The following AXL variants were observed in gnomAD, a reference collection of about 807,000 sequenced individuals.
AXL encodes tyrosine-protein kinase receptor UFO.
In AXL, 52 loss-of-function variants were observed where a neutral mutation model predicts 104.5. The observed-to-expected ratio is 0.50, with a 90% CI of 0.40 to 0.63. The LOEUF (loss-of-function observed/expected upper bound fraction) is 0.63, where lower values mean the gene tolerates loss of function less well. Among genes scored for constraint, AXL ranks in the 20% least tolerant of loss-of-function variants. The pLI is 0.00. For missense variants in AXL, 1,024 were observed against 1,188.5 expected (o/e 0.86, Z 2.04); for synonymous variants, 455 against 473.7 (o/e 0.96, Z 0.51).
At chr19:41,239,009 A>G (rs948310740) in intron 8 of AXL, among the ~76,000 whole-genome samples, 155 bp from the exon 9 acceptor site, 1 of 151,962 alleles carries the variant, frequency 6.6e-6, no homozygotes, top group African/African-American at 2.4e-5. Context: ...AGGTTAAAGG[A>G]TGAGGATGAG....
chr19:41,238,320 G>A, intron 7 of AXL, 150 bp from the exon 8 acceptor site: 1 of 1,459,164 alleles, frequency 6.9e-7, no homozygotes, highest in Non-Finnish European at 9.4e-7. Flanking sequence ...CTCTCTCCCA[G>A]CCCTTCTCTC....
In AXL at chr19:41,238,464, C is replaced by T; in HGVS notation, c.995-6C>T. On this transcript the variant is annotated splice_region_variant and splice_polypyrimidine_tract_variant and intron_variant, in intron 7 of 19. Transcript: ENST00000301178. ...GTGCCAGCTTCCCCTCTTCCCTGTC[C>T]TCCAGTGCCCCTGGGCCCCCCTGAG... The T allele has an allele frequency of 1.2e-6, 2 of 1,607,652 alleles. No individual in the cohort carries two copies. Among genetic ancestry groups the T allele is most frequent in the African/African-American group, 2.7e-5 (2 of 74,938 alleles).
At chr19:41,243,881 C>T in intron 12 of AXL, 174 bp downstream of exon 12, 1 of 598,736 alleles carries the variant, frequency 1.7e-6, no homozygotes. Flanking sequence ...AAAGAACTTT[C>T]AAGGAATAGA....
chr19:41,223,912 A>C (rs754945963), intron 4 of AXL, among the ~76,000 whole-genome samples: 14 of 151,320 alleles, frequency 9.3e-5, no homozygotes, highest in Non-Finnish European at 1.3e-4. Context: ...CGTCAGCACA[A>C]CCTCTGTGTG....
Position 41,220,744 on chromosome 19 carries a change from C to T in AXL, c.194C>T (p.Pro65Leu), listed in dbSNP as rs755527465. 8 of 1,614,160 alleles carry T rather than the reference C, an allele frequency of 5.0e-6. No individual in the cohort carries two copies. The highest frequency in any genetic ancestry group is 6.8e-6 in the Non-Finnish European group (8 of 1,180,002). The stretch of plus-strand genomic sequence containing the variant: ...CAGCTCCAGGTTCAGGGAGAGCCCC[C>T]CGAGGTACATTGGCTTCGGGATGGA... ...RCQLQVQGEPPEVHWLRDGQI... is the reference protein window; with the variant it reads ...RCQLQVQGEPLEVHWLRDGQI... Residue 65 changes from proline to leucine, a missense_variant, in exon 2 of 20, where the codon CCC becomes CTC. Pro to Leu is a moderately conservative substitution (Grantham distance 98). Transcript: ENST00000301178.
chr19:41,240,388 A>G (rs1474066121), intron 10 of AXL, among the ~76,000 whole-genome samples: 1 of 151,400 alleles, frequency 6.6e-6, no homozygotes, highest in Non-Finnish European at 1.5e-5. Context: ...GGATGGATGG[A>G]TGGATGGATG....
Position 41,252,861 on chromosome 19 carries a change from G to A in AXL, c.1820G>A (p.Gly607Asp). ...GGGGGCTCAGGTGTCTGTTTCCAGG[G>A]TTCTGAACGAGAGAGCTTCCCAGCA... is the stretch of plus-strand genomic sequence containing the variant. ...VMRLIGVCFQ[G>D]SERESFPAPV... The change falls in exon 16 of 20, where the codon GGT (glycine) becomes GAT (aspartate). Residue 607 changes from glycine to aspartate, a missense_variant. This residue lies in a region of AXL where 523 missense variants were observed against 636.0 expected (regional missense o/e 0.82). Coordinates refer to ENST00000301178, the MANE Select transcript of AXL (RefSeq NM_021913.5). The A allele has an allele frequency of 6.2e-7, 1 of 1,614,028 alleles. No individual in the cohort carries two copies. The highest frequency in any genetic ancestry group is 8.5e-7 in the Non-Finnish European group (1 of 1,180,024).
At position 41,231,112 on chromosome 19, in the gene AXL, G is replaced by A. The variant is rs79266409; in HGVS notation, c.667+65G>A. On this transcript the variant is annotated intron_variant, in intron 5 of 19. Coordinates refer to ENST00000301178, the MANE Select transcript of AXL (RefSeq NM_021913.5). ...TGGGGTTTGGGTCCGGGGTCAGAGT[G>A]GGGGCAGAGAGCAGGGTAGGGAGCT... 7,472 of 1,610,968 alleles carry A rather than the reference G, an allele frequency of 4.6e-3. 294 individuals are homozygous for A. In the African/African-American group the frequency reaches 0.084, roughly 18 times the overall value.
At chr19:41,250,982 C>G (rs760296876) in intron 14 of AXL, among the ~76,000 whole-genome samples, 4 of 152,098 alleles carry the variant, frequency 2.6e-5, no homozygotes, top group Non-Finnish European at 5.9e-5. Flanking sequence ...GTTTGGGTCC[C>G]CAGGGCAGGT....
At chr19:41,240,567 GT>G in intron 10 of AXL, among the ~76,000 whole-genome samples, 1 of 152,156 alleles carries the variant, frequency 6.6e-6, no homozygotes. Flanking sequence ...TACACCCATT[GT>G]CCCCTCTGGG....
intron 19 of AXL, among the ~76,000 whole-genome samples, chr19:41,258,708 G>A (rs569084147): frequency 1.5e-4 from 23 of 152,318 alleles, no homozygotes; most frequent in African/African-American, 4.8e-4. Flanking sequence ...GAGCCTCCAC[G>A]CCCAGTCTGG....
rs2033743893 is a variant in AXL, at chr19:41,219,430, T to C, written c.38T>C (p.Leu13Pro). The change falls in exon 1 of 20, where the codon CTG becomes CCG. Residue 13 changes from leucine to proline, a missense_variant. By Grantham distance (98) the Leu-to-Pro change is moderately conservative (BLOSUM62 -3). This residue lies in a region of AXL where 124 missense variants were observed against 115.5 expected (regional missense o/e 1.07). Coordinates refer to ENST00000301178, the MANE Select transcript of AXL (RefSeq NM_021913.5). ...WRCPRMGRVP[L>P]AWCLALCGWA... ...TGCCCCAGGATGGGCAGGGTCCCGCTGGCCTGGTGCTTGGCGCTGTGCGGC... is the reference window on the plus strand; with the variant it reads ...TGCCCCAGGATGGGCAGGGTCCCGCCGGCCTGGTGCTTGGCGCTGTGCGGC... 1.2e-6 allele frequency: 2 copies of C among 1,605,894 alleles called. No homozygotes were observed. The highest frequency in any genetic ancestry group is 2.7e-5 in the African/African-American group (2 of 74,766).
In AXL at chr19:41,219,318, G is replaced by C. The variant is rs941902787; in HGVS notation, c.-75G>C. 2.1e-5 allele frequency: 29 copies of C among 1,389,076 alleles called. No homozygotes were observed. The highest frequency in any genetic ancestry group is 2.6e-5 in the Non-Finnish European group (27 of 1,025,494). The allele number at this position is 1,389,076 out of a possible 1,614,324, so 86.0% of individuals were successfully genotyped here. The stretch of plus-strand genomic sequence containing the variant: ...AATCCGGGGAGCCTGGAGCTGGGGG[G>C]AGGGCCGGGGACAGCCCGGCCCTGC... On this transcript the variant is annotated 5_prime_UTR_variant, in exon 1 of 20. Transcript: ENST00000301178.
chr19:41,222,931 T>C (rs778422588), intron 4 of AXL, among the ~76,000 whole-genome samples: 3 of 129,654 alleles, frequency 2.3e-5, no homozygotes, highest in Admixed American at 7.9e-5. Flanking sequence ...AAAAAGAAAG[T>C]GGGAGACAGA....
chr19:41,227,814 T>C (rs1205744563), intron 4 of AXL, among the ~76,000 whole-genome samples: 1 of 151,570 alleles, frequency 6.6e-6, no homozygotes, highest in African/African-American at 2.4e-5. Flanking sequence ...TAAATAAGAG[T>C]TTCTTGAACT....
At chr19:41,221,059 TG>T in intron 2 of AXL, 86 bp from the exon 3 acceptor site, 1 of 1,324,744 alleles carries the variant, frequency 7.5e-7, no homozygotes, top group Non-Finnish European at 1.1e-6. Context: ...GCTTCCAGAC[TG>T]GACACCCTCT....
In AXL at chr19:41,220,725, C is replaced by T; in HGVS notation, c.175C>T (p.Gln59Ter). ...GLTGTLRCQL[Q>*]VQGEPPEVHW... The stretch of plus-strand genomic sequence containing the variant: ...CACGGGCACCCTTCGGTGTCAGCTC[C>T]AGGTTCAGGGAGAGCCCCCCGAGGT... Residue 59 changes from glutamine to a stop codon, truncating the protein, a stop_gained, in exon 2 of 20, where the codon CAG becomes TAG. Coordinates refer to ENST00000301178, the MANE Select transcript of AXL (RefSeq NM_021913.5). LOFTEE classifies it high-confidence loss of function. The T allele has an allele frequency of 6.2e-7, 1 of 1,614,080 alleles. No homozygotes were observed. The highest frequency in any genetic ancestry group is 8.5e-7 in the Non-Finnish European group (1 of 1,179,962).
At chr19:41,238,363 A>G (rs1311227110) in intron 7 of AXL, 107 bp from the exon 8 acceptor site, 2 of 1,538,016 alleles carry the variant, frequency 1.3e-6, no homozygotes, top group Non-Finnish European at 1.8e-6. Flanking sequence ...GGCCTGCACG[A>G]GTTGCCCACG....
At chr19:41,247,100 A>G (rs2034284367) in intron 12 of AXL, among the ~76,000 whole-genome samples, 1 of 152,248 alleles carries the variant, frequency 6.6e-6, no homozygotes, top group East Asian at 1.9e-4. Flanking sequence ...TTCCATTTTT[A>G]TAATATTTCA....
Sources: gnomAD v4.1 joint callset for allele counts (sites outside exome capture counted in the v4.1 genomes callset) on GRCh38, gnomAD v4.1.1 for gene constraint, gnomAD v4.1.1 regional missense constraint, MANE v1.5 for transcripts, NCBI Gene and HGNC (gene_info 2026-07-23, HGNC 2026-07-21) for gene names.